Variants in TBCEL observed in about 807,000 individuals in gnomAD.
The protein encoded by TBCEL is tubulin folding cofactor E like.
A neutral mutation model predicts 44.2 loss-of-function variants in TBCEL; 15 were observed. The observed-to-expected ratio is 0.34, with a 90% CI of 0.23 to 0.52. The LOEUF (loss-of-function observed/expected upper bound fraction) is 0.52, where lower values mean the gene tolerates loss of function less well. Ranked by LOEUF, TBCEL falls within the 20% of genes least tolerant of loss-of-function variation. The probability of loss-of-function intolerance (pLI) is 0.95; values close to 1 mark genes in which losing one functional copy is unlikely to be tolerated. For missense variants in TBCEL, 319 were observed against 506.3 expected (o/e 0.63, Z 3.55); for synonymous variants, 171 against 185.4 (o/e 0.92, Z 0.63).
In TBCEL at chr11:121,065,373, G is replaced by A. The variant is rs1945801703; in HGVS notation, c.956+5288G>A. Among the ~76,000 whole-genome samples, 5 of 152,148 alleles carry A rather than the reference G, an allele frequency of 3.3e-5. No individual in the cohort carries two copies. In the South Asian group the frequency reaches 1.0e-3, roughly 32 times the overall value. On this transcript the variant is annotated intron_variant, in intron 8 of 8. Transcript: ENST00000683345. ...CCCAGTTAGCAAGGGGGGCCTAAGT[G>A]AGAATTAGAGATTGAGGATACTCTT...
chr11:121,064,487 A>G (rs1945781532), intron 8 of TBCEL, among the ~76,000 whole-genome samples: 1 of 152,208 alleles, frequency 6.6e-6, no homozygotes, highest in South Asian at 2.1e-4. Context: ...TAGCTATTGG[A>G]AAAGATTCAT....
intron 8 of TBCEL, among the ~76,000 whole-genome samples, chr11:121,068,953 A>G (rs1222057172): frequency 3.4e-5 from 5 of 147,932 alleles, no homozygotes; most frequent in Non-Finnish European, 7.5e-5. Context: ...CTTCAAGCAC[A>G]CTCCCTCCTC....
intron 1 of TBCEL, among the ~76,000 whole-genome samples, chr11:121,029,355 G>A (rs1351550117): frequency 5.9e-5 from 9 of 152,124 alleles, no homozygotes; most frequent in Non-Finnish European, 7.3e-5. Context: ...TTGTCTGGAC[G>A]TCTCAGCTTT....
At chr11:121,039,944 A>C (rs757980581) in intron 2 of TBCEL, among the ~76,000 whole-genome samples, 1 of 152,250 alleles carries the variant, frequency 6.6e-6, no homozygotes, top group Non-Finnish European at 1.5e-5. Flanking sequence ...TCCTTGTCAA[A>C]TAACTGAAGG....
At chr11:121,085,490 A>G (rs978281159) in intron 8 of TBCEL, among the ~76,000 whole-genome samples, 2 of 152,190 alleles carry the variant, frequency 1.3e-5, no homozygotes, top group Admixed American at 6.5e-5. Context: ...AAGGGCAGAA[A>G]TTATTCCTAA....
At chr11:121,046,414 G>A (rs1459955983) in intron 3 of TBCEL, among the ~76,000 whole-genome samples, 1 of 152,048 alleles carries the variant, frequency 6.6e-6, no homozygotes, top group African/African-American at 2.4e-5. Context: ...TTAGCTTAAT[G>A]TTGCCATTAA....
intron 1 of TBCEL, among the ~76,000 whole-genome samples, chr11:121,033,504 C>A (rs1226968593): frequency 6.6e-6 from 1 of 152,136 alleles, no homozygotes; most frequent in African/African-American, 2.4e-5. Flanking sequence ...TTTTATCCCT[C>A]CTGATTTAAG....
chr11:121,072,088 G>T (rs372957547), intron 8 of TBCEL, among the ~76,000 whole-genome samples: 1 of 152,236 alleles, frequency 6.6e-6, no homozygotes. Context: ...AGCTTTCCCT[G>T]TTGCTTACAG....
chr11:121,083,406 C>T (rs1354715565), intron 8 of TBCEL, among the ~76,000 whole-genome samples: 1 of 152,150 alleles, frequency 6.6e-6, no homozygotes, highest in East Asian at 1.9e-4. Context: ...GTTTCCAGTG[C>T]CACTTACTGA....
rs570339329 is a variant in TBCEL, at chr11:121,087,847, T to C, written c.*751T>C. ...CACCGGCAGAACAGTCTGATCTCTT[T>C]GTATGTTACTAACTCACTTTTAATG... is the stretch of plus-strand genomic sequence containing the variant. On this transcript the variant is annotated 3_prime_UTR_variant, in exon 9 of 9. Transcript: ENST00000683345. The C allele has an allele frequency of 3.3e-5, 5 of 152,348 alleles. No homozygotes were observed. The East Asian group carries it at 9.6e-4, about 29-fold the overall frequency. 9.4% of individuals were successfully genotyped at this position (152,348 alleles called of 1,614,324 possible). A position where few individuals can be genotyped will look rare whatever the true frequency, so the allele number is the denominator to read the frequency against.
intron 8 of TBCEL, among the ~76,000 whole-genome samples, chr11:121,060,313 GGTAA>G (rs2134962612): frequency 1.3e-5 from 2 of 151,956 alleles, no homozygotes; most frequent in African/African-American, 4.8e-5. Flanking sequence ...AGAATGATTG[GGTAA>G]GTATTTGACA....
chr11:121,085,849 A>G (rs1946207313), intron 8 of TBCEL, among the ~76,000 whole-genome samples: 1 of 152,126 alleles, frequency 6.6e-6, no homozygotes, highest in African/African-American at 2.4e-5. Context: ...AAACCTTATT[A>G]TGACACTGAT....
intron 2 of TBCEL, among the ~76,000 whole-genome samples, chr11:121,043,490 TA>T (rs772353384): frequency 5.3e-5 from 8 of 152,180 alleles, no homozygotes; most frequent in Non-Finnish European, 8.8e-5. Flanking sequence ...ATCTGGCTAA[TA>T]TCAAACAGCC....
At chr11:121,027,266 C>T (rs568152164) in intron 1 of TBCEL, among the ~76,000 whole-genome samples, 7 of 152,308 alleles carry the variant, frequency 4.6e-5, no homozygotes, top group African/African-American at 7.2e-5. Flanking sequence ...TTCTCCTACA[C>T]GTGATTAGTT....
intron 8 of TBCEL, among the ~76,000 whole-genome samples, chr11:121,068,921 T>A (rs1591410022): frequency 1.3e-5 from 2 of 149,138 alleles, no homozygotes; most frequent in African/African-American, 4.9e-5. Flanking sequence ...AAACAGAAAC[T>A]GTCCTTACTG....
chr11:121,085,334 G>A (rs1057390468), intron 8 of TBCEL, among the ~76,000 whole-genome samples: 3 of 152,120 alleles, frequency 2.0e-5, no homozygotes. Context: ...CACCGTGCCT[G>A]GCAATCTTAT....
intron 4 of TBCEL, among the ~76,000 whole-genome samples, chr11:121,052,516 C>T (rs1041885895): frequency 1.3e-5 from 2 of 151,862 alleles, no homozygotes; most frequent in African/African-American, 4.8e-5. Context: ...CCTAACTACT[C>T]TTTTCTCCTT....
Position 121,079,352 on chromosome 11 carries a change from G to C in TBCEL, c.957-7426G>C, listed in dbSNP as rs75164830. 5.2e-3 allele frequency among the ~76,000 whole-genome samples: 788 copies of C among 152,250 alleles called. 5 individuals are homozygous for C. The highest frequency in any genetic ancestry group is 0.017 in the African/African-American group (725 of 41,526). On this transcript the variant is annotated intron_variant, in intron 8 of 8. Transcript: ENST00000683345. ...AGAACCCTTGAAGAGAGATTGAATG[G>C]GGACATTTGAAATGTAGGAATGAGA...
chr11:121,075,412 T>G (rs1946015145), intron 8 of TBCEL, among the ~76,000 whole-genome samples: 1 of 152,000 alleles, frequency 6.6e-6, no homozygotes, highest in African/African-American at 2.4e-5. Flanking sequence ...TGAGGCATCA[T>G]GTTGAATGAT....
Sources: allele counts gnomAD v4.1 joint callset (sites outside exome capture counted in the v4.1 genomes callset), GRCh38; gene constraint gnomAD v4.1.1; transcripts MANE v1.5; gene names NCBI Gene and HGNC (gene_info 2026-07-23, HGNC 2026-07-21).